Variants in ITPR2 observed in about 807,000 individuals in gnomAD.
ITPR2 encodes inositol 1,4,5-trisphosphate-gated calcium channel ITPR2.
ITPR2 carries 207 observed loss-of-function variants against 317.1 expected under a neutral mutation model. That is an observed-to-expected ratio of 0.65 (90% CI 0.58 to 0.73). The LOEUF is 0.73. Ranked by LOEUF, ITPR2 falls within the 30% of genes least tolerant of loss-of-function variation. The pLI, the probability that ITPR2 is intolerant of heterozygous loss-of-function variation, is 0.00. For missense variants in ITPR2, 2,613 were observed against 3,284.0 expected, an observed-to-expected ratio of 0.80 and a Z score of 4.99; for synonymous variants, 1,156 against 1,149.1, an observed-to-expected ratio of 1.01 and a Z score of -0.12.
intron 55 of ITPR2, among the ~76,000 whole-genome samples, chr12:26,384,800 T>C (rs943172664): frequency 1.3e-5 from 2 of 152,224 alleles, no homozygotes; most frequent in Non-Finnish European, 2.9e-5. Flanking sequence ...GATATACTCC[T>C]GTTCCTGGCT....
At chr12:26,734,501 T>G (rs1949083523) in intron 2 of ITPR2, among the ~76,000 whole-genome samples, 1 of 152,042 alleles carries the variant, frequency 6.6e-6, no homozygotes, top group Admixed American at 6.6e-5. Context: ...AGCCCTCCAC[T>G]CAGAAAGCAA....
chr12:26,393,007 T>C (rs1320842039), intron 54 of ITPR2, among the ~76,000 whole-genome samples: 1 of 152,194 alleles, frequency 6.6e-6, no homozygotes, highest in Non-Finnish European at 1.5e-5. Context: ...ATCCTCACCC[T>C]CCAGGGCCAC....
At chr12:26,749,373 T>A (rs531827365) in intron 2 of ITPR2, among the ~76,000 whole-genome samples, 1 of 152,368 alleles carries the variant, frequency 6.6e-6, no homozygotes, top group Non-Finnish European at 1.5e-5. Context: ...GCTGCAGTTA[T>A]CTTTTAAGTC....
At chr12:26,751,952 T>C (rs565837505) in intron 2 of ITPR2, among the ~76,000 whole-genome samples, 2 of 152,184 alleles carry the variant, frequency 1.3e-5, no homozygotes, top group East Asian at 3.9e-4. Context: ...TTTTACCACA[T>C]GCATAATCCC....
chr12:26,727,100 T>C (rs1948942344), intron 2 of ITPR2, among the ~76,000 whole-genome samples: 1 of 152,200 alleles, frequency 6.6e-6, no homozygotes. Context: ...AATCAACACC[T>C]AGCACGTGTG....
In ITPR2 at chr12:26,512,824, T is replaced by G. The variant is rs537840202; in HGVS notation, c.5074-17564A>C. Among the ~76,000 whole-genome samples the G allele has an allele frequency of 2.9e-3, 419 of 146,880 alleles. 2 individuals are homozygous for G. The highest frequency in any genetic ancestry group is 0.01 in the African/African-American group (390 of 38,898). ...CAACGGACAGGGAAGGGAAACAATT[T>G]TTTTTTTTTTTTTTTTGAGACAGAG... On this transcript the variant is annotated intron_variant, in intron 37 of 56. Transcript: ENST00000381340.
At chr12:26,420,107 C>T (rs1306314312) in intron 49 of ITPR2, among the ~76,000 whole-genome samples, 3 of 152,144 alleles carry the variant, frequency 2.0e-5, no homozygotes, top group Non-Finnish European at 2.9e-5. Context: ...GATCCTTTGG[C>T]AATAATAACG....
At chr12:26,822,644 G>GAAAAAACAAAAAA (rs1950954232) in intron 1 of ITPR2, among the ~76,000 whole-genome samples, 3 of 152,154 alleles carry the variant, frequency 2.0e-5, no homozygotes, top group African/African-American at 7.2e-5. Flanking sequence ...CAAATACAGG[G>GAAAAAACAAAAAA]AAAGGAGGTA....
intron 9 of ITPR2, among the ~76,000 whole-genome samples, chr12:26,696,481 C>T (rs1489759124): frequency 3.9e-5 from 6 of 151,900 alleles, no homozygotes; most frequent in Non-Finnish European, 8.8e-5. Context: ...CTCATAATAC[C>T]ACTTATCTAG....
chr12:26,453,459 A>G (rs11615996), intron 45 of ITPR2, among the ~76,000 whole-genome samples: 85,987 of 152,130 alleles, frequency 0.57, 26,844 homozygotes, highest in Non-Finnish European at 0.7. Flanking sequence ...CTACATGTGT[A>G]GTGGGGTTAT....
intron 37 of ITPR2, among the ~76,000 whole-genome samples, chr12:26,539,439 C>T (rs708156): frequency 0.57 from 85,949 of 151,996 alleles, 28,245 homozygotes; most frequent in Non-Finnish European, 0.76. Flanking sequence ...TGGTTCAAAG[C>T]CTACATGGTT....
intron 37 of ITPR2, among the ~76,000 whole-genome samples, chr12:26,537,320 C>A (rs1325027335): frequency 6.6e-6 from 1 of 152,088 alleles, no homozygotes; most frequent in Non-Finnish European, 1.5e-5. Context: ...GGACTCTTTG[C>A]CAATTGTATA....
At chr12:26,703,044 T>C (rs939663297) in intron 9 of ITPR2, among the ~76,000 whole-genome samples, 1 of 152,218 alleles carries the variant, frequency 6.6e-6, no homozygotes, top group Admixed American at 6.5e-5. Flanking sequence ...TTAGGCTTAT[T>C]ACATTTTTCT....
chr12:26,768,519 G>A (rs1592110056), intron 2 of ITPR2, among the ~76,000 whole-genome samples: 1 of 127,140 alleles, frequency 7.9e-6, no homozygotes, highest in Non-Finnish European at 1.6e-5. Context: ...CAGATCTAAA[G>A]GTATTAGTTA....
intron 21 of ITPR2, among the ~76,000 whole-genome samples, chr12:26,650,413 C>T (rs776048345): frequency 7.9e-5 from 12 of 152,068 alleles, no homozygotes; most frequent in Non-Finnish European, 1.8e-4. Flanking sequence ...ATGTGCAACA[C>T]CAAGAGTGAA....
In ITPR2 at chr12:26,417,002, A is replaced by G. The variant is rs569055891; in HGVS notation, c.7111-1504T>C. On this transcript the variant is annotated intron_variant, in intron 50 of 56. Coordinates refer to ENST00000381340, the MANE Select transcript of ITPR2 (RefSeq NM_002223.4). ...TCAGAATCTTACAAAAGCTGTTGAC[A>G]TTGGGCAAGCTGATTGTTCTTTCCA... is the stretch of plus-strand genomic sequence containing the variant. Among the ~76,000 whole-genome samples, 3 of 152,316 alleles carry G rather than the reference A, an allele frequency of 2.0e-5. No homozygotes were observed. The South Asian group carries it at 6.2e-4, about 32-fold the overall frequency.
intron 37 of ITPR2, among the ~76,000 whole-genome samples, chr12:26,505,336 T>G (rs1303399215): frequency 6.6e-6 from 1 of 152,208 alleles, no homozygotes; most frequent in African/African-American, 2.4e-5. Context: ...TCTCATTGTC[T>G]TCTGAACAAT....
intron 39 of ITPR2, among the ~76,000 whole-genome samples, chr12:26,493,491 G>A (rs909682542): frequency 3.9e-5 from 6 of 152,172 alleles, no homozygotes; most frequent in African/African-American, 1.4e-4. Flanking sequence ...AAATTCCTGT[G>A]TTCTAATCCT....
chr12:26,460,086 C>A lies in ITPR2; in HGVS notation c.6342+15210G>T, dbSNP rs368557055. On this transcript the variant is annotated intron_variant, in intron 45 of 56. Transcript: ENST00000381340. Reference sequence around the variant, plus strand: ...TCAATCAGCTACAGATGAAGTGGTTCTTGGACTTAGGAAAGGGCAGTGGTG... The same window carrying A: ...TCAATCAGCTACAGATGAAGTGGTTATTGGACTTAGGAAAGGGCAGTGGTG... Among the ~76,000 whole-genome samples, 16 of 152,306 alleles carry A rather than the reference C, an allele frequency of 1.1e-4. No individual in the cohort carries two copies. The East Asian group carries it at 2.1e-3, about 20-fold the overall frequency.
Sources: gnomAD v4.1 joint callset for allele counts (sites outside exome capture counted in the v4.1 genomes callset) on GRCh38, gnomAD v4.1.1 for gene constraint, MANE v1.5 for transcripts, NCBI Gene and HGNC (gene_info 2026-07-23, HGNC 2026-07-21) for gene names.